The following TANC1 variants were observed in gnomAD, a reference collection of about 807,000 sequenced individuals.
The protein encoded by TANC1 is tetratricopeptide repeat, ankyrin repeat and coiled-coil containing 1, also known as protein TANC1.
Under a neutral mutation model 149.7 loss-of-function variants are expected in TANC1, and 77 were observed. The observed-to-expected ratio is 0.51, with a 90% CI of 0.43 to 0.62. The LOEUF (loss-of-function observed/expected upper bound fraction) is 0.62, where lower values mean the gene tolerates loss of function less well. Among genes scored for constraint, TANC1 ranks in the 20% least tolerant of loss-of-function variants. The pLI is 0.00. For synonymous variants in TANC1, 854 were observed against 925.0 expected (o/e 0.92, Z 1.39); for missense variants, 1,985 against 2,321.8 (o/e 0.85, Z 2.98).
Position 159,091,969 on chromosome 2 carries a change from G to GGT in TANC1, c.62-5657_62-5656dup, listed in dbSNP as rs1553545678. Among the ~76,000 whole-genome samples, 33 of 145,354 alleles carry GGT rather than the reference G, an allele frequency of 2.3e-4. No individual in the cohort carries two copies. In the South Asian group the frequency reaches 2.6e-3, roughly 11 times the overall value. On this transcript the variant is annotated intron_variant, in intron 3 of 26. Coordinates refer to ENST00000263635, the MANE Select transcript of TANC1 (RefSeq NM_033394.3). ...TCAGTTTTCTGTAAATATAGGGGGG[G>GGT]GTGTGTGTGTGTATGTATGTAGAGT...
intron 4 of TANC1, among the ~76,000 whole-genome samples, chr2:159,113,026 C>T (rs1270040941): frequency 2.0e-5 from 3 of 152,136 alleles, no homozygotes; most frequent in Non-Finnish European, 4.4e-5. Flanking sequence ...CCTCTTCCTC[C>T]TGGGCTTAAT....
chr2:159,169,224 T>C (rs769377246), intron 8 of TANC1, 26 bp from the exon 9 acceptor site: 7 of 1,602,864 alleles, frequency 4.4e-6, no homozygotes, highest in Non-Finnish European at 6.0e-6. Context: ...CCTTTGAAGA[T>C]ACTAAACTTC....
intron 4 of TANC1, among the ~76,000 whole-genome samples, chr2:159,120,327 A>T (rs1050020125): frequency 6.6e-6 from 1 of 152,150 alleles, no homozygotes; most frequent in Non-Finnish European, 1.5e-5. Flanking sequence ...GGAGTAGACA[A>T]TGGTGGACTT....
At chr2:159,150,619 GCAC>G in intron 7 of TANC1, 63 bp downstream of exon 7, 1 of 1,330,088 alleles carries the variant, frequency 7.5e-7, no homozygotes, top group Non-Finnish European at 1.1e-6. Context: ...CATTCACCAG[GCAC>G]TTCCTCAGAG....
At position 159,183,057 on chromosome 2, in the gene TANC1, A is replaced by G. The variant is rs1464908855; in HGVS notation, c.2511-2734A>G. Among the ~76,000 whole-genome samples, 7 of 152,162 alleles carry G rather than the reference A, an allele frequency of 4.6e-5. No individual in the cohort carries two copies. The East Asian group carries it at 1.3e-3, about 29-fold the overall frequency. On this transcript the variant is annotated intron_variant, in intron 14 of 26. Coordinates refer to ENST00000263635, the MANE Select transcript of TANC1 (RefSeq NM_033394.3). ...GGAGAGGAAAGAGCTGGCAGAAGGG[A>G]GTGTGCAGGGCACAGAGTGTATAGG...
At chr2:158,999,243 C>G (rs2036415886) in intron 1 of TANC1, among the ~76,000 whole-genome samples, 1 of 152,148 alleles carries the variant, frequency 6.6e-6, no homozygotes, top group South Asian at 2.1e-4. Context: ...CCATCTGCAG[C>G]TCCCTGGGGC....
chr2:159,003,945 C>G (rs1376059007), intron 2 of TANC1: 16 of 1,612,588 alleles, frequency 9.9e-6, no homozygotes, highest in Non-Finnish European at 1.4e-5. Flanking sequence ...ACAGCCACAG[C>G]TGATGACAAA....
At chr2:159,044,415 G>A (rs1298156912) in intron 2 of TANC1, among the ~76,000 whole-genome samples, 1 of 152,136 alleles carries the variant, frequency 6.6e-6, no homozygotes, top group Non-Finnish European at 1.5e-5. Context: ...TCCAGCCTGG[G>A]TGACAGCATG....
chr2:158,973,363 G>A (rs2033178809), intron 1 of TANC1, among the ~76,000 whole-genome samples: 1 of 152,186 alleles, frequency 6.6e-6, no homozygotes, highest in Non-Finnish European at 1.5e-5. Flanking sequence ...GGAGATGGGG[G>A]TGGAGAGTAG....
At chr2:159,092,628 C>T (rs559634262) in intron 3 of TANC1, among the ~76,000 whole-genome samples, 8 of 152,238 alleles carry the variant, frequency 5.3e-5, no homozygotes, top group Non-Finnish European at 8.8e-5. Flanking sequence ...TTATTTATTA[C>T]GAACAGAGAG....
At chr2:159,215,873 G>T (rs537002284) in intron 19 of TANC1, among the ~76,000 whole-genome samples, 1 of 152,206 alleles carries the variant, frequency 6.6e-6, no homozygotes, top group South Asian at 2.1e-4. Context: ...GTAGTGTTCT[G>T]CTGATTGACT....
In TANC1 at chr2:159,224,270, T is replaced by C; in HGVS notation, c.3717T>C (p.His1239=). Reference sequence around the variant, plus strand: ...TGGAGAAGGGAGCCGTGATCGAGCATGTGGACCACAGCGGGATGCGGCCCT... The same window carrying C: ...TGGAGAAGGGAGCCGTGATCGAGCACGTGGACCACAGCGGGATGCGGCCCT... ...YLVEKGAVIE[H]VDHSGMRPLD... The change falls in exon 23 of 27, where the codon CAT becomes CAC. Residue 1239 remains histidine, a synonymous_variant. Coordinates refer to ENST00000263635, the MANE Select transcript of TANC1 (RefSeq NM_033394.3). 6.2e-7 allele frequency: 1 copy of C among 1,614,184 alleles called. No homozygotes were observed. Among genetic ancestry groups the C allele is most frequent in the Non-Finnish European group, 8.5e-7 (1 of 1,180,022 alleles).
intron 4 of TANC1, among the ~76,000 whole-genome samples, chr2:159,133,567 T>C (rs933358741): frequency 6.6e-6 from 1 of 152,136 alleles, no homozygotes; most frequent in African/African-American, 2.4e-5. Context: ...CTTTCTAGTT[T>C]ATGTCTCTTA....
At chr2:159,139,732 A>T (rs1485498238) in intron 5 of TANC1, among the ~76,000 whole-genome samples, 5 of 141,886 alleles carry the variant, frequency 3.5e-5, no homozygotes. Flanking sequence ...CATGTCAGTC[A>T]GTGACGAAAC....
In TANC1 at chr2:159,077,176, G is replaced by A. The variant is rs548040624; in HGVS notation, c.61+11205G>A. Reference sequence around the variant, plus strand: ...TGGATTACGCAGTCCTCCCACCTCAGGCTCCCTAGTTGCTGCGCTACAGGC... The same window carrying A: ...TGGATTACGCAGTCCTCCCACCTCAAGCTCCCTAGTTGCTGCGCTACAGGC... On this transcript the variant is annotated intron_variant, in intron 3 of 26. Coordinates refer to ENST00000263635, the MANE Select transcript of TANC1 (RefSeq NM_033394.3). 2.0e-5 allele frequency among the ~76,000 whole-genome samples: 3 copies of A among 152,086 alleles called. No individual in the cohort carries two copies. In the East Asian group the frequency reaches 5.8e-4, roughly 29 times the overall value.
At chr2:159,009,912 C>G (rs1164133517) in intron 2 of TANC1, among the ~76,000 whole-genome samples, 1 of 151,700 alleles carries the variant, frequency 6.6e-6, no homozygotes, top group African/African-American at 2.4e-5. Context: ...ATCTGTGTAC[C>G]TAGTACTGGA....
At chr2:158,976,725 A>G (rs2033720404) in intron 1 of TANC1, among the ~76,000 whole-genome samples, 1 of 152,190 alleles carries the variant, frequency 6.6e-6, no homozygotes, top group East Asian at 1.9e-4. Context: ...TACTAAAAAT[A>G]CAAAAATTAG....
At chr2:159,204,666 G>A (rs973925674) in intron 19 of TANC1, among the ~76,000 whole-genome samples, 3 of 152,216 alleles carry the variant, frequency 2.0e-5, no homozygotes, top group East Asian at 1.9e-4. Context: ...CCAGGGCTAC[G>A]CTTCCCTAAT....
At chr2:159,220,520 T>C (rs1206141332) in intron 22 of TANC1, among the ~76,000 whole-genome samples, 1 of 151,924 alleles carries the variant, frequency 6.6e-6, no homozygotes, top group African/African-American at 2.4e-5. Flanking sequence ...GCCAGGCTGG[T>C]CTTGAACTCC....
Sources: gnomAD v4.1 joint callset for allele counts (sites outside exome capture counted in the v4.1 genomes callset) on GRCh38, gnomAD v4.1.1 for gene constraint, MANE v1.5 for transcripts, NCBI Gene and HGNC (gene_info 2026-07-23, HGNC 2026-07-21) for gene names.